The following MRPS6 variants were observed in gnomAD, a reference collection of about 807,000 sequenced individuals.
The protein encoded by MRPS6 is small ribosomal subunit protein bS6m.
A neutral mutation model predicts 13.1 loss-of-function variants in MRPS6; 6 were observed. That is an observed-to-expected ratio of 0.46 (90% confidence interval 0.25 to 0.91). MRPS6 has a LOEUF of 0.91. Ranked by LOEUF, MRPS6 falls within the 40% of genes least tolerant of loss-of-function variation. The pLI, the probability that MRPS6 is intolerant of heterozygous loss-of-function variation, is 0.18. For missense variants in MRPS6, 164 were observed against 155.6 expected, an observed-to-expected ratio of 1.05 and a Z score of -0.29; for synonymous variants, 61 against 56.5, an observed-to-expected ratio of 1.08 and a Z score of -0.36.
chr21:34,132,009 A>T (rs919613927), intron 2 of MRPS6, among the ~76,000 whole-genome samples: 10 of 152,256 alleles, frequency 6.6e-5, no homozygotes, highest in Non-Finnish European at 1.3e-4. Flanking sequence ...GAAGAAAAGG[A>T]TATGTACTGG....
At position 34,094,192 on chromosome 21, in the gene MRPS6, T is replaced by A. The variant is rs189903561; in HGVS notation, c.45+20447T>A. Among the ~76,000 whole-genome samples the A allele has an allele frequency of 6.8e-4, 103 of 152,298 alleles. 1 individual carries two copies. The Middle Eastern group carries it at 0.027, about 40-fold the overall frequency. On this transcript the variant is annotated intron_variant, in intron 1 of 2. Coordinates refer to ENST00000399312, the MANE Select transcript of MRPS6 (RefSeq NM_032476.4). The stretch of plus-strand genomic sequence containing the variant: ...TTTGAGTTGTTTTGTAAGTTGGATA[T>A]TTTTAGTTTTGTGTGGAATGTCGTG...
chr21:34,139,600 CAG>C (rs1212467784), intron 2 of MRPS6, among the ~76,000 whole-genome samples: 1 of 151,974 alleles, frequency 6.6e-6, no homozygotes, highest in Non-Finnish European at 1.5e-5. Flanking sequence ...TTTTTTGAGA[CAG>C]AGTCTCGCTC....
chr21:34,110,115 T>A lies in MRPS6; in HGVS notation c.46-15226T>A, dbSNP rs73899971. ...CACAGTTGGAGTTTTAAAGTTCTGC[T>A]TATTTCTAAGTGCTAAGCGATGAAA... On this transcript the variant is annotated intron_variant, in intron 1 of 2. Transcript: ENST00000399312. Among the ~76,000 whole-genome samples the A allele has an allele frequency of 7.5e-3, 1,142 of 152,296 alleles. 14 individuals are homozygous for A. Among genetic ancestry groups the A allele is most frequent in the African/African-American group, 0.026 (1,066 of 41,554 alleles).
At chr21:34,088,385 GA>G in intron 1 of MRPS6, among the ~76,000 whole-genome samples, 3 of 20,328 alleles carry the variant, frequency 1.5e-4, no homozygotes, top group African/African-American at 5.3e-4. Flanking sequence ...TGCTGTATGT[GA>G]AGCCTATGCC....
chr21:34,108,791 T>C (rs1186342561), intron 1 of MRPS6, among the ~76,000 whole-genome samples: 2 of 152,178 alleles, frequency 1.3e-5, no homozygotes, highest in African/African-American at 2.4e-5. Context: ...CATAAGACCA[T>C]AGGAATTTTC....
chr21:34,113,746 TAAG>T (rs1979797873), intron 1 of MRPS6, among the ~76,000 whole-genome samples: 1 of 152,218 alleles, frequency 6.6e-6, no homozygotes, highest in Non-Finnish European at 1.5e-5. Context: ...TGTATGATTT[TAAG>T]AACTTCTCTT....
intron 1 of MRPS6, among the ~76,000 whole-genome samples, chr21:34,092,486 G>C (rs4322914): frequency 1 from 152,284 of 152,284 alleles, 76,142 homozygotes; most frequent in Non-Finnish European, 1. Flanking sequence ...TAGTGTTAGG[G>C]TACTATTTGG....
Position 34,111,303 on chromosome 21 carries a change from A to C in MRPS6, c.46-14038A>C, listed in dbSNP as rs147015273. On this transcript the variant is annotated intron_variant, in intron 1 of 2. Transcript: ENST00000399312. ...AATACCTATGTAACCACCACCCATA[A>C]GAAATAGAACATTACCAGCACCACC... is the stretch of plus-strand genomic sequence containing the variant. Among the ~76,000 whole-genome samples the C allele has an allele frequency of 7.4e-3, 1,120 of 152,316 alleles. 6 individuals carry two copies. The highest frequency in any genetic ancestry group is 0.01 in the Middle Eastern group (3 of 294).
At chr21:34,115,027 C>T (rs1205438211) in intron 1 of MRPS6, among the ~76,000 whole-genome samples, 1 of 152,154 alleles carries the variant, frequency 6.6e-6, no homozygotes, top group African/African-American at 2.4e-5. Context: ...ATTTTGCCTA[C>T]CTTGCAGCTC....
In MRPS6 at chr21:34,096,758, G is replaced by T; in HGVS notation, c.45+23013G>T. On this transcript the variant is annotated intron_variant, in intron 1 of 2. Coordinates refer to ENST00000399312, the MANE Select transcript of MRPS6 (RefSeq NM_032476.4). This position sits in a 1 kb window ranked among gnomAD's most constrained non-coding sequence, Gnocchi z 5.9. Reference sequence around the variant, plus strand: ...TGTATGTGGCCACAGGATTGTTTTGGGTCACGGGACTCATTACTGTAATTG... The same window carrying T: ...TGTATGTGGCCACAGGATTGTTTTGTGTCACGGGACTCATTACTGTAATTG... The T allele has an allele frequency of 6.2e-7, 1 of 1,613,970 alleles. No homozygotes were observed. Among genetic ancestry groups the T allele is most frequent in the South Asian group, 1.1e-5 (1 of 91,072 alleles).
At chr21:34,079,446 G>GT (rs145997902) in intron 1 of MRPS6, among the ~76,000 whole-genome samples, 8,779 of 151,294 alleles carry the variant, frequency 0.058, 300 homozygotes, top group Middle Eastern at 0.13. Flanking sequence ...TCTTCTTTCT[G>GT]TTTTTTTGAG....
chr21:34,105,034 A>G, intron 1 of MRPS6: 2 of 1,000,120 alleles, frequency 2.0e-6, no homozygotes, highest in South Asian at 9.4e-5. Context: ...TGGCAAACAG[A>G]TCAAGTCTTT....
intron 1 of MRPS6, chr21:34,094,965 G>A (rs1052192931): frequency 3.6e-5 from 18 of 499,998 alleles, no homozygotes; most frequent in African/African-American, 7.8e-5. Flanking sequence ...TTAAGAGTAC[G>A]AGCTAAGTTC....
intron 1 of MRPS6, among the ~76,000 whole-genome samples, chr21:34,088,388 GCCTAT>G: frequency 3.0e-3 from 3 of 998 alleles, no homozygotes; most frequent in African/African-American, 0.011. Flanking sequence ...TGTATGTGAA[GCCTAT>G]GCCTGGGACT....
intron 2 of MRPS6, chr21:34,135,779 G>C (rs1045233598): frequency 8.1e-6 from 4 of 496,718 alleles, no homozygotes; most frequent in African/African-American, 4.0e-5. Context: ...TTGATGATGC[G>C]CACAGTCATG....
intron 2 of MRPS6, among the ~76,000 whole-genome samples, chr21:34,139,901 T>G (rs1980851236): frequency 6.6e-6 from 1 of 152,152 alleles, no homozygotes; most frequent in African/African-American, 2.4e-5. Flanking sequence ...TTATAATATT[T>G]CCTATTATTT....
chr21:34,138,766 G>A, intron 2 of MRPS6, among the ~76,000 whole-genome samples: 1 of 152,158 alleles, frequency 6.6e-6, no homozygotes. Flanking sequence ...AACCATTGTG[G>A]AAGTCAGTGT....
chr21:34,100,427 A>G (rs1395864642), intron 1 of MRPS6: 28 of 1,000,124 alleles, frequency 2.8e-5, no homozygotes, highest in Non-Finnish European at 3.1e-5. Context: ...TCCTGGGGGT[A>G]ATTATGCTTT....
chr21:34,096,356 C>T lies in MRPS6; in HGVS notation c.45+22611C>T, dbSNP rs761222681. 8 of 1,614,040 alleles carry T rather than the reference C, an allele frequency of 5.0e-6. No individual in the cohort carries two copies. The highest frequency in any genetic ancestry group is 1.3e-5 in the African/African-American group (1 of 74,916). ...ACTTAGACTCTATCTTTAACAGTGC[C>T]AGTACCATATTCACCCTCGATGTGT... is the stretch of plus-strand genomic sequence containing the variant. On this transcript the variant is annotated intron_variant, in intron 1 of 2. Coordinates refer to ENST00000399312, the MANE Select transcript of MRPS6 (RefSeq NM_032476.4). The surrounding 1 kb of genome is among the most constrained non-coding windows in gnomAD (Gnocchi z 5.9).
Sources: allele counts gnomAD v4.1 joint callset (sites outside exome capture counted in the v4.1 genomes callset), GRCh38; gene constraint gnomAD v4.1.1; non-coding constraint Gnocchi (gnomAD v3.1); transcripts MANE v1.5; gene names NCBI Gene and HGNC (gene_info 2026-07-23, HGNC 2026-07-21).